The following SMYD3 variants were observed in gnomAD, a reference collection of about 807,000 sequenced individuals.
SMYD3 encodes the protein histone-lysine N-methyltransferase SMYD3.
In SMYD3, 36 loss-of-function variants were observed where a neutral mutation model predicts 57.7. The observed-to-expected ratio is 0.62, with a 90% CI of 0.48 to 0.82. SMYD3 has a LOEUF of 0.82. SMYD3 is among the 40% of genes least tolerant of loss of function. SMYD3 has a pLI of 0.00. For missense variants in SMYD3, 515 were observed against 538.8 expected (o/e 0.96, Z 0.44); for synonymous variants, 211 against 195.0 (o/e 1.08, Z -0.68).
intron 8 of SMYD3, among the ~76,000 whole-genome samples, chr1:245,869,860 C>T (rs1046255817): frequency 1.3e-5 from 2 of 152,198 alleles, no homozygotes; most frequent in African/African-American, 4.8e-5. Flanking sequence ...GGCTTTCTTC[C>T]CGTTTGTCCT....
chr1:246,163,158 T>C (rs368972271), intron 5 of SMYD3, among the ~76,000 whole-genome samples: 1 of 152,342 alleles, frequency 6.6e-6, no homozygotes, highest in African/African-American at 2.4e-5. Flanking sequence ...TGGTTGTAAC[T>C]GGGAAACTCA....
At chr1:246,496,634 G>T (rs1413254041) in intron 1 of SMYD3, among the ~76,000 whole-genome samples, 2 of 151,956 alleles carry the variant, frequency 1.3e-5, no homozygotes. Context: ...TCAAGACCAG[G>T]CTGGGCAACA....
intron 5 of SMYD3, among the ~76,000 whole-genome samples, chr1:246,226,273 T>C (rs1210239256): frequency 1.3e-5 from 2 of 152,220 alleles, no homozygotes; most frequent in Non-Finnish European, 2.9e-5. Flanking sequence ...TATAAATGCA[T>C]TTCACAGCAT....
intron 5 of SMYD3, among the ~76,000 whole-genome samples, chr1:246,023,415 CAG>C (rs2059508873): frequency 6.6e-6 from 1 of 152,146 alleles, no homozygotes; most frequent in African/African-American, 2.4e-5. Context: ...AAAGATATGA[CAG>C]AGAATATTAA....
chr1:245,790,417 C>T (rs749977295), intron 10 of SMYD3, among the ~76,000 whole-genome samples: 5 of 152,208 alleles, frequency 3.3e-5, no homozygotes, highest in Non-Finnish European at 7.3e-5. Context: ...CTCTTATCTA[C>T]CCACTGGGGC....
At chr1:245,768,343 T>C (rs1319443922) in intron 10 of SMYD3, among the ~76,000 whole-genome samples, 2 of 152,198 alleles carry the variant, frequency 1.3e-5, no homozygotes, top group Non-Finnish European at 2.9e-5. Context: ...ACCAAGATCT[T>C]ACTGATATAT....
rs889354703 is a variant in SMYD3, at chr1:246,331,312, A to G, written c.337-775T>C. ...AAATCACTTCAGTGAATTTTAGGAA[A>G]TAAGATAAGTACTCTTCCAGTCAAT... is the stretch of plus-strand genomic sequence containing the variant. On this transcript the variant is annotated intron_variant, in intron 3 of 11. Coordinates refer to ENST00000490107, the MANE Select transcript of SMYD3 (RefSeq NM_001167740.2). Among the ~76,000 whole-genome samples, 3 of 152,250 alleles carry G rather than the reference A, an allele frequency of 2.0e-5. No homozygotes were observed. The South Asian group carries it at 6.2e-4, about 32-fold the overall frequency.
chr1:246,182,533 T>C (rs1391507591), intron 5 of SMYD3, among the ~76,000 whole-genome samples: 1 of 151,758 alleles, frequency 6.6e-6, no homozygotes, highest in Non-Finnish European at 1.5e-5. Context: ...CACCTAGATA[T>C]ATGACTCCCA....
At chr1:246,099,617 A>T (rs1457666355) in intron 5 of SMYD3, among the ~76,000 whole-genome samples, 1 of 152,228 alleles carries the variant, frequency 6.6e-6, no homozygotes, top group Non-Finnish European at 1.5e-5. Flanking sequence ...TTTCATCTGC[A>T]GCAACATTCA....
intron 10 of SMYD3, among the ~76,000 whole-genome samples, chr1:245,822,945 C>T (rs1194130623): frequency 6.6e-6 from 1 of 152,198 alleles, no homozygotes; most frequent in African/African-American, 2.4e-5. Context: ...GAAGACATGT[C>T]CCCTGCTCGT....
intron 5 of SMYD3, among the ~76,000 whole-genome samples, chr1:245,938,684 G>T (rs939576679): frequency 1.3e-5 from 2 of 152,090 alleles, no homozygotes; most frequent in African/African-American, 4.8e-5. Context: ...ACACAAATCA[G>T]ACTGGTGGGA....
chr1:246,452,460 C>T (rs889498688), intron 1 of SMYD3, among the ~76,000 whole-genome samples: 8 of 151,996 alleles, frequency 5.3e-5, no homozygotes, highest in African/African-American at 1.9e-4. Context: ...GGACAGAGTT[C>T]GCACCTCCAG....
intron 1 of SMYD3, among the ~76,000 whole-genome samples, chr1:246,423,852 T>C (rs760566613): frequency 6.6e-6 from 1 of 152,060 alleles, no homozygotes; most frequent in African/African-American, 2.4e-5. Context: ...TGTAGAAACT[T>C]TGCCACAGAA....
chr1:246,241,192 A>C (rs549328452), intron 5 of SMYD3, among the ~76,000 whole-genome samples: 1 of 152,282 alleles, frequency 6.6e-6, no homozygotes, highest in East Asian at 1.9e-4. Context: ...GAATGCTTCC[A>C]GTTTTTGCCC....
At chr1:246,330,796 T>C (rs2065446877) in intron 3 of SMYD3, among the ~76,000 whole-genome samples, 1 of 152,190 alleles carries the variant, frequency 6.6e-6, no homozygotes, top group South Asian at 2.1e-4. Flanking sequence ...TTTATATTCA[T>C]AAAACCCTCT....
At chr1:246,329,121 T>C (rs2065414315) in intron 4 of SMYD3, among the ~76,000 whole-genome samples, 1 of 152,238 alleles carries the variant, frequency 6.6e-6, no homozygotes, top group African/African-American at 2.4e-5. Flanking sequence ...TCCAAGTCTT[T>C]GCTATTGTGA....
At chr1:245,985,936 C>T (rs1285354756) in intron 5 of SMYD3, among the ~76,000 whole-genome samples, 1 of 152,136 alleles carries the variant, frequency 6.6e-6, no homozygotes, top group Non-Finnish European at 1.5e-5. Flanking sequence ...AACACTGCGC[C>T]ATTCAAAGGT....
chr1:246,507,159 G>A lies in SMYD3; in HGVS notation c.59C>T (p.Ala20Val), dbSNP rs755429858. Residue 20 changes from alanine (A) to valine (V), a missense_variant, in exon 1 of 12, where the codon GCC becomes GTC. Physicochemically the swap from Ala to Val is moderately conservative, Grantham distance 64. Coordinates refer to ENST00000490107, the MANE Select transcript of SMYD3 (RefSeq NM_001167740.2). Reference sequence around the variant, plus strand: ...CTCTCCGGGGCGCAGCGGGGTCACGGCGCGCAGCCCGTTTCCCCTCTTGGC... The same window carrying A: ...CTCTCCGGGGCGCAGCGGGGTCACGACGCGCAGCCCGTTTCCCCTCTTGGC... ...ATAKRGNGLRAVTPLRPGELL... is the reference protein window; with the variant it reads ...ATAKRGNGLRVVTPLRPGELL... 2.8e-5 allele frequency: 43 copies of A among 1,532,410 alleles called. 1 individual carries two copies. In the Admixed American group the frequency reaches 3.5e-4, roughly 12 times the overall value. 94.9% of individuals were successfully genotyped at this position (1,532,410 alleles called of 1,614,324 possible).
chr1:246,322,123 T>C (rs1363831409), intron 5 of SMYD3, among the ~76,000 whole-genome samples: 1 of 152,098 alleles, frequency 6.6e-6, no homozygotes, highest in Non-Finnish European at 1.5e-5. Flanking sequence ...CCCAGCACTT[T>C]GAGAGGCCAA....
Sources: allele counts gnomAD v4.1 joint callset (sites outside exome capture counted in the v4.1 genomes callset), GRCh38; gene constraint gnomAD v4.1.1; transcripts MANE v1.5; gene names NCBI Gene and HGNC (gene_info 2026-07-23, HGNC 2026-07-21).